Variants in TRAPPC3L observed in about 807,000 individuals in gnomAD.
TRAPPC3L encodes trafficking protein particle complex subunit 3-like protein.
A neutral mutation model predicts 23.7 loss-of-function variants in TRAPPC3L; 23 were observed. The observed-to-expected ratio is 0.97, with a 90% CI of 0.70 to 1.37. TRAPPC3L has a LOEUF of 1.37. Ranked by LOEUF, TRAPPC3L falls within the 40% of genes most tolerant of loss-of-function variation. The pLI is 0.00. For missense variants in TRAPPC3L, 212 were observed against 216.8 expected (o/e 0.98, Z 0.14); for synonymous variants, 81 against 77.9 (o/e 1.04, Z -0.21).
chr6:116,511,999 C>G (rs757117931), intron 3 of TRAPPC3L: 1 of 1,613,904 alleles, frequency 6.2e-7, no homozygotes, highest in Admixed American at 1.7e-5. Context: ...ACGTCCTCGG[C>G]CAGATCACTC....
chr6:116,515,806 GA>G (rs1562340419), intron 3 of TRAPPC3L: 1 of 1,613,978 alleles, frequency 6.2e-7, no homozygotes, highest in East Asian at 2.2e-5. Context: ...TTGAAAACAA[GA>G]GGCCAGATCC....
chr6:116,505,199 T>C (rs1562337008), intron 3 of TRAPPC3L, among the ~76,000 whole-genome samples: 1 of 152,072 alleles, frequency 6.6e-6, no homozygotes, highest in Non-Finnish European at 1.5e-5. Context: ...TGTGCAAAAA[T>C]CACAAGCATT....
chr6:116,500,624 A>G lies in TRAPPC3L; in HGVS notation c.283T>C (p.Cys95Arg), dbSNP rs375505724. Residue 95 changes from cysteine to arginine, a missense_variant, in exon 4 of 5, where the codon TGT becomes CGT. Physicochemically the swap from Cys to Arg is radical, Grantham distance 180 (BLOSUM62 -3). Transcript: ENST00000368602. ...AATTCATTTTTGCTTGAATTGTTACAGGTCACACTTGGTGTAATTCCCAGG... is the reference window on the plus strand; with the variant it reads ...AATTCATTTTTGCTTGAATTGTTACGGGTCACACTTGGTGTAATTCCCAGG... Reference protein sequence around the residue: ...MYLGITPSVTCNNSSKNEFSL... With the variant: ...MYLGITPSVTRNNSSKNEFSL... The G allele has an allele frequency of 2.6e-6, 4 of 1,551,534 alleles. No homozygotes were observed. The African/African-American group carries it at 4.1e-5, about 16-fold the overall frequency.
At chr6:116,536,605 A>G (rs1562351106) in intron 3 of TRAPPC3L, among the ~76,000 whole-genome samples, 1 of 152,150 alleles carries the variant, frequency 6.6e-6, no homozygotes, top group South Asian at 2.1e-4. Context: ...AATTCTCTTC[A>G]AATGCATTCC....
chr6:116,505,303 T>A (rs573058191), intron 3 of TRAPPC3L, among the ~76,000 whole-genome samples: 63 of 152,130 alleles, frequency 4.1e-4, no homozygotes, highest in African/African-American at 1.5e-3. Context: ...TAGGAATCCA[T>A]CTTACAAGGG....
At chr6:116,525,046 A>G (rs56020377) in intron 3 of TRAPPC3L, among the ~76,000 whole-genome samples, 35 of 152,326 alleles carry the variant, frequency 2.3e-4, no homozygotes, top group Non-Finnish European at 4.6e-4. Flanking sequence ...TTGAACATCA[A>G]TTTGGACCTA....
intron 3 of TRAPPC3L, among the ~76,000 whole-genome samples, chr6:116,530,559 C>G (rs1370494679): frequency 6.6e-6 from 1 of 152,126 alleles, no homozygotes; most frequent in African/African-American, 2.4e-5. Flanking sequence ...TTAGTTATCT[C>G]CCTTCTACCA....
intron 3 of TRAPPC3L, chr6:116,511,502 C>T (rs1222457065): frequency 7.0e-6 from 4 of 569,692 alleles, no homozygotes; most frequent in Non-Finnish European, 1.2e-5. Flanking sequence ...AGCCCAATTT[C>T]CACCAGTAGG....
At chr6:116,522,669 T>TA (rs1488746031) in intron 3 of TRAPPC3L, 2 of 152,198 alleles carry the variant, frequency 1.3e-5, no homozygotes, top group Non-Finnish European at 2.9e-5. Flanking sequence ...AGTAACACAT[T>TA]AAACTATTAT....
At chr6:116,509,087 G>A (rs1320798353) in intron 3 of TRAPPC3L, among the ~76,000 whole-genome samples, 1 of 95,460 alleles carries the variant, frequency 1.0e-5, no homozygotes, top group Non-Finnish European at 2.0e-5. Flanking sequence ...TTTTATAAGA[G>A]TTGTAAAAAA....
At chr6:116,499,545 A>G (rs1774953087) in intron 4 of TRAPPC3L, among the ~76,000 whole-genome samples, 2 of 152,208 alleles carry the variant, frequency 1.3e-5, no homozygotes, top group Non-Finnish European at 2.9e-5. Flanking sequence ...AGGCTTCTGT[A>G]AAGAATTTAA....
chr6:116,542,055 G>A (rs1481988140), intron 2 of TRAPPC3L, among the ~76,000 whole-genome samples: 1 of 152,088 alleles, frequency 6.6e-6, no homozygotes, highest in Non-Finnish European at 1.5e-5. Flanking sequence ...AAATAAGTGA[G>A]CTTTTTTATT....
chr6:116,508,145 A>G (rs1427678668), intron 3 of TRAPPC3L, among the ~76,000 whole-genome samples: 1 of 152,218 alleles, frequency 6.6e-6, no homozygotes, highest in Non-Finnish European at 1.5e-5. Flanking sequence ...TTATAATCAG[A>G]AGGACTAGGA....
chr6:116,514,603 G>A lies in TRAPPC3L; in HGVS notation c.241-13937C>T, dbSNP rs564839675. 9.9e-5 allele frequency among the ~76,000 whole-genome samples: 15 copies of A among 152,242 alleles called. No individual in the cohort carries two copies. In the East Asian group the frequency reaches 2.3e-3, roughly 23 times the overall value. On this transcript the variant is annotated intron_variant, in intron 3 of 4. Transcript: ENST00000368602. Reference sequence around the variant, plus strand: ...GAAGAAACTGAGATAAAAAGAATACGCATAGTAAGGGGAAAGTTTAGATTT... The same window carrying A: ...GAAGAAACTGAGATAAAAAGAATACACATAGTAAGGGGAAAGTTTAGATTT...
At chr6:116,527,257 C>T (rs1000627366) in intron 3 of TRAPPC3L, among the ~76,000 whole-genome samples, 2 of 151,836 alleles carry the variant, frequency 1.3e-5, no homozygotes, top group African/African-American at 4.9e-5. Context: ...GTGGCTCACG[C>T]CTGTAATCCC....
chr6:116,513,987 G>A (rs1442798734), intron 3 of TRAPPC3L, among the ~76,000 whole-genome samples: 2 of 152,088 alleles, frequency 1.3e-5, no homozygotes, highest in Non-Finnish European at 2.9e-5. Context: ...GAGAGTTGTC[G>A]GAAGATTTAG....
intron 1 of TRAPPC3L, among the ~76,000 whole-genome samples, chr6:116,545,123 A>T (rs779263750): frequency 1.3e-5 from 2 of 150,736 alleles, no homozygotes. Context: ...ATATACATAC[A>T]TACATATATA....
At position 116,542,306 on chromosome 6, in the gene TRAPPC3L, A is replaced by T. The variant is rs114382785; in HGVS notation, c.140+997T>A. Among the ~76,000 whole-genome samples, 438 of 152,242 alleles carry T rather than the reference A, an allele frequency of 2.9e-3. 3 individuals carry two copies. Among genetic ancestry groups the T allele is most frequent in the African/African-American group, 0.01 (423 of 41,548 alleles). ...TAATTAAGTAGAAATTCCAAAAAAA[A>T]GTCATGTGTACAAAAATAAATTATA... On this transcript the variant is annotated intron_variant, in intron 2 of 4. Transcript: ENST00000368602.
rs964895652 is a variant in TRAPPC3L at position 116,512,415 on chromosome 6, A to G, written c.241-11749T>C. The stretch of plus-strand genomic sequence containing the variant: ...AGCTTTTGAAAGGCTGGGTGGCTCA[A>G]TAAAGTTGCTGACTGGATTATCTCT... On this transcript the variant is annotated intron_variant, in intron 3 of 4. Coordinates refer to ENST00000368602, the MANE Select transcript of TRAPPC3L (RefSeq NM_001139444.3). 4.6e-6 allele frequency: 3 copies of G among 653,892 alleles called. No homozygotes were observed. The African/African-American group carries it at 5.4e-5, about 12-fold the overall frequency. The allele number at this position is 653,892 out of a possible 1,614,324, so 40.5% of individuals were successfully genotyped here.
Sources: allele counts gnomAD v4.1 joint callset (sites outside exome capture counted in the v4.1 genomes callset), GRCh38; gene constraint gnomAD v4.1.1; transcripts MANE v1.5; gene names NCBI Gene and HGNC (gene_info 2026-07-23, HGNC 2026-07-21).